The following LYN variants were observed in gnomAD, a reference collection of about 807,000 sequenced individuals.
LYN encodes LYN proto-oncogene, Src family tyrosine kinase, also known as tyrosine-protein kinase Lyn.
A neutral mutation model predicts 65.0 loss-of-function variants in LYN; 12 were observed. The observed-to-expected ratio is 0.18, with a 90% CI of 0.12 to 0.30. The LOEUF is 0.30. Among genes scored for constraint, LYN ranks in the 10% least tolerant of loss-of-function variants. The pLI, the probability that LYN is intolerant of heterozygous loss-of-function variation, is 1.00. For synonymous variants in LYN, 222 were observed against 221.2 expected (o/e 1.00, Z -0.03); for missense variants, 380 against 623.2 (o/e 0.61, Z 4.16).
chr8:55,943,322 TG>T (rs1480624735), intron 2 of LYN, among the ~76,000 whole-genome samples: 1 of 152,180 alleles, frequency 6.6e-6, no homozygotes, highest in Non-Finnish European at 1.5e-5. Context: ...ATTTTCAGGC[TG>T]GGCATGGTGG....
chr8:55,900,599 T>G (rs976979157), intron 1 of LYN, among the ~76,000 whole-genome samples: 3 of 150,732 alleles, frequency 2.0e-5, no homozygotes, highest in Non-Finnish European at 4.4e-5. Flanking sequence ...CAGGCTAGTC[T>G]CAAACTCGTG....
At chr8:55,936,294 G>T (rs1453614516) in intron 1 of LYN, among the ~76,000 whole-genome samples, 1 of 152,108 alleles carries the variant, frequency 6.6e-6, no homozygotes, top group Non-Finnish European at 1.5e-5. Context: ...AAAACTCATG[G>T]ATCTGGAGCT....
chr8:55,915,320 T>C (rs893396325), intron 1 of LYN, among the ~76,000 whole-genome samples: 1 of 152,222 alleles, frequency 6.6e-6, no homozygotes, highest in Non-Finnish European at 1.5e-5. Flanking sequence ...TTATATTAAC[T>C]ATAGTTTGTT....
chr8:55,931,695 T>A (rs923438276), intron 1 of LYN, among the ~76,000 whole-genome samples: 1 of 152,188 alleles, frequency 6.6e-6, no homozygotes, highest in Non-Finnish European at 1.5e-5. Flanking sequence ...AATAAATATA[T>A]ATGTATTAAA....
At chr8:55,983,482 C>G (rs1022074578) in intron 10 of LYN, among the ~76,000 whole-genome samples, 1 of 152,196 alleles carries the variant, frequency 6.6e-6, no homozygotes, top group African/African-American at 2.4e-5. Flanking sequence ...GTCTCCTCCC[C>G]CTGACAACAG....
chr8:55,910,406 C>T (rs918277109), intron 1 of LYN, among the ~76,000 whole-genome samples: 6 of 152,128 alleles, frequency 3.9e-5, no homozygotes, highest in African/African-American at 1.4e-4. Context: ...AAAAGGGTAT[C>T]CTTTTCCCAG....
intron 2 of LYN, among the ~76,000 whole-genome samples, chr8:55,942,381 GTA>G (rs1371157353): frequency 7.1e-4 from 97 of 137,030 alleles, no homozygotes; most frequent in East Asian, 2.0e-3. Flanking sequence ...ATATATATGT[GTA>G]TATATATATG....
At chr8:55,997,928 C>CA (rs541275791) in intron 10 of LYN, among the ~76,000 whole-genome samples, 2,975 of 151,944 alleles carry the variant, frequency 0.02, 82 homozygotes, top group African/African-American at 0.067. Flanking sequence ...ACTAAAAATA[C>CA]AAAAAATTAG....
intron 10 of LYN, among the ~76,000 whole-genome samples, chr8:55,989,870 A>G (rs1247786195): frequency 6.6e-6 from 1 of 152,204 alleles, no homozygotes; most frequent in Non-Finnish European, 1.5e-5. Flanking sequence ...CAGAAGGTGT[A>G]CATTGGTTCA....
In LYN at chr8:55,930,954, C is replaced by T. The variant is rs192061493; in HGVS notation, c.-5-10901C>T. Among the ~76,000 whole-genome samples the T allele has an allele frequency of 1.7e-3, 263 of 152,194 alleles. 1 individual carries two copies. The highest frequency in any genetic ancestry group is 6.8e-3 in the Middle Eastern group (2 of 294). ...ATGTGAGCCCCCATGCATGGCTACT[C>T]TCTAAGTTCTTACTCCCACGGACAA... On this transcript the variant is annotated intron_variant, in intron 1 of 12. Coordinates refer to ENST00000519728, the MANE Select transcript of LYN (RefSeq NM_002350.4).
intron 8 of LYN, among the ~76,000 whole-genome samples, chr8:55,963,101 T>G (rs1807334374): frequency 6.6e-6 from 1 of 152,210 alleles, no homozygotes; most frequent in Non-Finnish European, 1.5e-5. Flanking sequence ...AACATGAGAT[T>G]TGGAGAGGAC....
chr8:55,920,826 C>T (rs561262351), intron 1 of LYN, among the ~76,000 whole-genome samples: 1 of 150,014 alleles, frequency 6.7e-6, no homozygotes, highest in South Asian at 2.1e-4. Flanking sequence ...GCCTCAGCCT[C>T]AGCGGGATTA....
chr8:55,886,677 G>T (rs563893192), intron 1 of LYN, among the ~76,000 whole-genome samples: 2 of 152,314 alleles, frequency 1.3e-5, no homozygotes, highest in East Asian at 3.9e-4. Context: ...CCCTTAACTT[G>T]CAGGGGAATG....
intron 10 of LYN, among the ~76,000 whole-genome samples, chr8:55,979,039 C>A (rs1253318850): frequency 6.7e-6 from 1 of 148,596 alleles, no homozygotes; most frequent in Non-Finnish European, 1.5e-5. Context: ...TGAAACCATG[C>A]ACTTCTCATT....
At position 55,906,331 on chromosome 8, in the gene LYN, TTTTTGTTTTG is replaced by T. The variant is rs150904137; in HGVS notation, c.-6+26253_-6+26262del. Among the ~76,000 whole-genome samples, 32 of 151,066 alleles carry T rather than the reference TTTTTGTTTTG, an allele frequency of 2.1e-4. 1 individual carries two copies. The highest frequency in any genetic ancestry group is 5.9e-4 in the Admixed American group (9 of 15,158). On this transcript the variant is annotated intron_variant, in intron 1 of 12. Transcript: ENST00000519728. ...ATTGCTTGAGGCCAAGAATTCGTTT[TTTTTGTTTTG>T]TTTTGTTTTGTTTTGTTTTGTTTTT... is the stretch of plus-strand genomic sequence containing the variant.
chr8:55,950,565 C>A lies in LYN; in HGVS notation c.383+8C>A. The A allele has an allele frequency of 6.2e-7, 1 of 1,610,270 alleles. No homozygotes were observed. The highest frequency in any genetic ancestry group is 8.5e-7 in the Non-Finnish European group (1 of 1,176,868). ...CACCTTAGAAACAGAAGAGTGAGTC[C>A]TCATGTGTTGTCATCTTGGTGGCTT... is the stretch of plus-strand genomic sequence containing the variant. On this transcript the variant is annotated splice_region_variant and intron_variant, in intron 5 of 12. Coordinates refer to ENST00000519728, the MANE Select transcript of LYN (RefSeq NM_002350.4).
At chr8:55,911,287 T>A (rs185477477) in intron 1 of LYN, among the ~76,000 whole-genome samples, 395 of 25,584 alleles carry the variant, frequency 0.015, 21 homozygotes, top group Non-Finnish European at 0.023. Context: ...ATATATATAT[T>A]TTTTTTTTTT....
chr8:55,898,880 A>AAC (rs2130377462), intron 1 of LYN, among the ~76,000 whole-genome samples: 1 of 152,290 alleles, frequency 6.6e-6, no homozygotes, highest in African/African-American at 2.4e-5. Flanking sequence ...CCTGGAGTGC[A>AAC]GTGGCACAAT....
rs576915090 is a variant in LYN at position 55,949,319 on chromosome 8, A to C, written c.285-1140A>C. ...CTTTTGTTTCTGTGAGATGGGAGCCATTTGTACCAACTCTTCTTTGTGCAC... is the reference window on the plus strand; with the variant it reads ...CTTTTGTTTCTGTGAGATGGGAGCCCTTTGTACCAACTCTTCTTTGTGCAC... On this transcript the variant is annotated intron_variant, in intron 4 of 12. Coordinates refer to ENST00000519728, the MANE Select transcript of LYN (RefSeq NM_002350.4). Among the ~76,000 whole-genome samples, 4 of 152,336 alleles carry C rather than the reference A, an allele frequency of 2.6e-5. No individual in the cohort carries two copies. The South Asian group carries it at 8.3e-4, about 32-fold the overall frequency.
Sources: allele counts gnomAD v4.1 joint callset (sites outside exome capture counted in the v4.1 genomes callset), GRCh38; gene constraint gnomAD v4.1.1; transcripts MANE v1.5; gene names NCBI Gene and HGNC (gene_info 2026-07-23, HGNC 2026-07-21).